Variants in LIPF observed in about 807,000 individuals in gnomAD.
LIPF encodes the protein gastric triacylglycerol lipase.
In LIPF, 25 loss-of-function variants were observed where a neutral mutation model predicts 38.0. The observed-to-expected ratio is 0.66, with a 90% CI of 0.48 to 0.92. The LOEUF (loss-of-function observed/expected upper bound fraction) is 0.92. Among genes scored for constraint, LIPF ranks in the 40% least tolerant of loss-of-function variants. The pLI is 0.00. For missense variants in LIPF, 410 were observed against 469.9 expected (o/e 0.87, Z 1.18); for synonymous variants, 161 against 156.2 (o/e 1.03, Z -0.23).
At chr10:88,669,762 T>C (rs1179390643) in intron 4 of LIPF, 75 bp from the exon 5 acceptor site, 1 of 1,011,592 alleles carries the variant, frequency 9.9e-7, no homozygotes, top group African/African-American at 1.6e-5. Flanking sequence ...AAGGGATCAT[T>C]AGCTATAAAT....
At position 88,676,214 on chromosome 10, in the gene LIPF, T is replaced by G. The variant is rs780910112; in HGVS notation, c.894T>G (p.Val298=). The part of the protein sequence containing the change: ...VQNMFHWTQA[V]KSGKFQAYDW... Reference sequence around the variant, plus strand: ...TTTTAATTTCTCTATGTTAGGCTGTTAAGTCTGGGAAATTCCAAGCTTATG... The same window carrying G: ...TTTTAATTTCTCTATGTTAGGCTGTGAAGTCTGGGAAATTCCAAGCTTATG... The change falls in exon 9 of 10, where the codon GTT becomes GTG. Residue 298 remains valine, a synonymous_variant. Transcript: ENST00000238983. The G allele has an allele frequency of 5.6e-6, 9 of 1,597,910 alleles. No homozygotes were observed. The Admixed American group carries it at 6.7e-5, about 12-fold the overall frequency.
intron 5 of LIPF, among the ~76,000 whole-genome samples, chr10:88,670,384 T>C (rs1215816346): frequency 1.3e-5 from 2 of 152,152 alleles, no homozygotes; most frequent in East Asian, 1.9e-4. Flanking sequence ...AAAAGTAAAA[T>C]GTAATATATT....
chr10:88,666,148 C>T (rs776933019), intron 1 of LIPF, among the ~76,000 whole-genome samples: 1 of 152,190 alleles, frequency 6.6e-6, no homozygotes, highest in Admixed American at 6.6e-5. Context: ...TCTGGTTTTA[C>T]TGTAAATCAG....
At chr10:88,672,541 C>T (rs77646239) in intron 6 of LIPF, among the ~76,000 whole-genome samples, 2 of 151,762 alleles carry the variant, frequency 1.3e-5, no homozygotes, top group East Asian at 3.9e-4. Flanking sequence ...TATTAAGTGC[C>T]TTATGCAGTA....
chr10:88,667,237 T>A, intron 1 of LIPF, 50 bp from the exon 2 acceptor site: 5 of 1,012,912 alleles, frequency 4.9e-6, no homozygotes, highest in Non-Finnish European at 4.6e-6. Flanking sequence ...ATATAAGCAT[T>A]ATGAAAGTAT....
At chr10:88,673,482 A>G (rs1841635198) in intron 6 of LIPF, 106 bp from the exon 7 acceptor site, 1 of 849,154 alleles carries the variant, frequency 1.2e-6, no homozygotes, top group African/African-American at 1.7e-5. Context: ...AAGAATAAGA[A>G]TATATCATCA....
At position 88,668,206 on chromosome 10, in the gene LIPF, A is replaced by G. The variant is rs17287014; in HGVS notation, c.224-352A>G. 4.6e-3 allele frequency among the ~76,000 whole-genome samples: 703 copies of G among 152,258 alleles called. 2 individuals are homozygous for G. The highest frequency in any genetic ancestry group is 0.016 in the African/African-American group (670 of 41,536). ...TTTTACTCATTGTAGAAATGTTATG[A>G]AGTACAAAAAGAAAAAAAAAAGATT... On this transcript the variant is annotated intron_variant, in intron 3 of 9. Transcript: ENST00000238983.
intron 3 of LIPF, 124 bp from the exon 4 acceptor site, chr10:88,668,434 A>G: frequency 2.4e-6 from 2 of 845,110 alleles, no homozygotes. Context: ...AAGATATTCA[A>G]AAATAATCAA....
intron 8 of LIPF, 51 bp from the exon 9 acceptor site, chr10:88,676,158 T>G: frequency 9.3e-7 from 1 of 1,079,040 alleles, no homozygotes; most frequent in Non-Finnish European, 1.4e-6. Flanking sequence ...GAATTTTATT[T>G]TTCACAATAT....
intron 7 of LIPF, among the ~76,000 whole-genome samples, 153 bp downstream of exon 7, chr10:88,673,887 A>G (rs1841643749): frequency 6.6e-6 from 1 of 152,172 alleles, no homozygotes; most frequent in Non-Finnish European, 1.5e-5. Context: ...ATTGCTCCCA[A>G]TTTAATCACT....
chr10:88,668,682 C>T lies in LIPF; in HGVS notation c.348C>T (p.Gly116=), dbSNP rs1841550611. The T allele has an allele frequency of 3.7e-6, 6 of 1,614,086 alleles. No homozygotes were observed. The highest frequency in any genetic ancestry group is 4.2e-6 in the Non-Finnish European group (5 of 1,179,996). ...LADAGYDVWL[G]NSRGNTWARR... ...ATGCTGGTTATGATGTGTGGCTGGGCAACAGCAGAGGAAACACCTGGGCCA... is the reference window on the plus strand; with the variant it reads ...ATGCTGGTTATGATGTGTGGCTGGGTAACAGCAGAGGAAACACCTGGGCCA... Residue 116 remains glycine (G), a synonymous_variant, in exon 4 of 10, where the codon GGC becomes GGT. Transcript: ENST00000238983.
chr10:88,671,738 T>C (rs1374794885), intron 5 of LIPF, 91 bp from the exon 6 acceptor site: 2 of 1,509,610 alleles, frequency 1.3e-6, no homozygotes, highest in Admixed American at 2.2e-5. Context: ...CCTTAGTAAG[T>C]CCAAAATAAT....
Position 88,668,711 on chromosome 10 carries a change from G to T in LIPF, c.377G>T (p.Arg126Ile), listed in dbSNP as rs1232423757. The T allele has an allele frequency of 6.2e-7, 1 of 1,614,122 alleles. No individual in the cohort carries two copies. Among genetic ancestry groups the T allele is most frequent in the African/African-American group, 1.3e-5 (1 of 75,056 alleles). The change falls in exon 4 of 10, where the codon AGA becomes ATA. Residue 126 changes from arginine (R) to isoleucine (I), a missense_variant. Transcript: ENST00000238983. ...AGCAGAGGAAACACCTGGGCCAGAA[G>T]AAACTTGTACTATTCACCAGATTCA... ...GNSRGNTWAR[R>I]NLYYSPDSVE...
intron 7 of LIPF, among the ~76,000 whole-genome samples, chr10:88,674,304 A>G (rs947746020): frequency 7.2e-5 from 11 of 152,124 alleles, no homozygotes; most frequent in East Asian, 3.9e-4. Context: ...GAGTAGCTGG[A>G]ACTACAGGCG....
At chr10:88,678,310 G>T in intron 9 of LIPF, 135 bp from the exon 10 acceptor site, 1 of 717,668 alleles carries the variant, frequency 1.4e-6, no homozygotes, top group East Asian at 2.5e-5. Context: ...GGATAAAGGT[G>T]GTTTTCTCTG....
intron 4 of LIPF, 76 bp downstream of exon 4, chr10:88,668,832 A>T: frequency 1.7e-6 from 2 of 1,185,402 alleles, no homozygotes; most frequent in Non-Finnish European, 2.4e-6. Context: ...ATCCAGTCCC[A>T]TTTTAACAAA....
rs756347652 is a variant in LIPF, at chr10:88,678,495, G to A, written c.1011G>A (p.Val337=). 3 of 1,614,010 alleles carry A rather than the reference G, an allele frequency of 1.9e-6. No homozygotes were observed. Among genetic ancestry groups the A allele is most frequent in the East Asian group, 2.2e-5 (1 of 44,868 alleles). ...NVTAMNVPIA[V]WNGGKDLLAD... ...CAGCCATGAATGTACCAATTGCAGT[G>A]TGGAACGGTGGCAAGGACCTGTTGG... The change falls in exon 10 of 10, where the codon GTG becomes GTA. Residue 337 remains valine (V), a synonymous_variant. Transcript: ENST00000238983.
chr10:88,678,596 A>G lies in LIPF; in HGVS notation c.1112A>G (p.Asn371Ser), dbSNP rs1369638543. The G allele has an allele frequency of 6.2e-7, 1 of 1,613,906 alleles. No individual in the cohort carries two copies. Among genetic ancestry groups the G allele is most frequent in the African/African-American group, 1.3e-5 (1 of 74,914 alleles). Reference sequence around the variant, plus strand: ...TACCACAAGGAGATTCCTTTTTACAATCACTTGGACTTTATCTGGGCAATG... The same window carrying G: ...TACCACAAGGAGATTCCTTTTTACAGTCACTTGGACTTTATCTGGGCAATG... ...LIYHKEIPFYNHLDFIWAMDA... is the reference protein window; with the variant it reads ...LIYHKEIPFYSHLDFIWAMDA... The change falls in exon 10 of 10, where the codon AAT becomes AGT. Residue 371 changes from asparagine (N) to serine (S), a missense_variant. Transcript: ENST00000238983.
chr10:88,673,615 C>G lies in LIPF; in HGVS notation c.697C>G (p.Pro233Ala). The G allele has an allele frequency of 3.1e-6, 5 of 1,611,236 alleles. No individual in the cohort carries two copies. Among genetic ancestry groups the G allele is most frequent in the Non-Finnish European group, 4.2e-6 (5 of 1,178,162 alleles). The change falls in exon 7 of 10, where the codon CCA (proline) becomes GCA (alanine). Residue 233 changes from proline (P) to alanine (A), a missense_variant. Pro to Ala is a conservative substitution (Grantham distance 27, BLOSUM62 -1). Coordinates refer to ENST00000238983, the MANE Select transcript of LIPF (RefSeq NM_004190.4). Reference protein sequence around the residue: ...KFIFGDKIFYPHNFFDQFLAT... With the variant: ...KFIFGDKIFYAHNFFDQFLAT... ...TATATTTGGTGACAAAATATTCTAC[C>G]CACACAACTTCTTTGATCAATTTCT...
Sources: allele counts gnomAD v4.1 joint callset (sites outside exome capture counted in the v4.1 genomes callset), GRCh38; gene constraint gnomAD v4.1.1; transcripts MANE v1.5; gene names NCBI Gene and HGNC (gene_info 2026-07-23, HGNC 2026-07-21).